PDE1C: variants seen among roughly 807,000 people sequenced by gnomAD.
PDE1C encodes the protein phosphodiesterase 1C, also known as dual specificity calcium/calmodulin-dependent 3',5'-cyclic nucleotide phosphodiesterase 1C.
A neutral mutation model predicts 93.1 loss-of-function variants in PDE1C; 62 were observed. That is an observed-to-expected ratio of 0.67 (90% confidence interval 0.54 to 0.82). PDE1C has a LOEUF of 0.82. Among genes scored for constraint, PDE1C ranks in the 40% least tolerant of loss-of-function variants. The pLI is 0.00. For missense variants in PDE1C, 742 were observed against 884.6 expected (o/e 0.84, Z 2.04); for synonymous variants, 325 against 310.1 (o/e 1.05, Z -0.50).
intron 13 of PDE1C, among the ~76,000 whole-genome samples, chr7:31,823,505 CT>C (rs573627514): frequency 1.0e-3 from 159 of 152,192 alleles, no homozygotes; most frequent in Middle Eastern, 0.01. Flanking sequence ...TTGGCCTCTT[CT>C]TTTTTCCCCA....
chr7:31,980,336 T>C (rs1812215774), intron 2 of PDE1C, among the ~76,000 whole-genome samples: 1 of 152,242 alleles, frequency 6.6e-6, no homozygotes, highest in African/African-American at 2.4e-5. Context: ...AGCTTTATCC[T>C]GTGCAGAATG....
chr7:31,962,975 C>T (rs948733014), intron 2 of PDE1C, among the ~76,000 whole-genome samples: 1 of 152,076 alleles, frequency 6.6e-6, no homozygotes, highest in Admixed American at 6.6e-5. Context: ...TTAAGTTTAG[C>T]CCCTTTAAAA....
At chr7:31,659,843 C>T in the PDE1C span, among the ~76,000 whole-genome samples, 1 of 152,174 alleles carries the variant, frequency 6.6e-6, no homozygotes, top group East Asian at 1.9e-4. Flanking sequence ...TTCATAACAT[C>T]TGATAATAAC....
intron 1 of PDE1C, among the ~76,000 whole-genome samples, chr7:32,061,437 A>G (rs1413534571): frequency 2.0e-5 from 3 of 152,214 alleles, no homozygotes; most frequent in Non-Finnish European, 4.4e-5. Flanking sequence ...ATATCCATGG[A>G]GGCACCTCTG....
At chr7:32,093,077 C>A (rs1051300142) in intron 3 of PDE1C, among the ~76,000 whole-genome samples, 4 of 152,180 alleles carry the variant, frequency 2.6e-5, no homozygotes, top group Admixed American at 1.3e-4. Flanking sequence ...CAAACCAGAA[C>A]AAGACGATCA....
chr7:31,760,401 C>T (rs1390645240), intron 17 of PDE1C, among the ~76,000 whole-genome samples: 1 of 152,162 alleles, frequency 6.6e-6, no homozygotes, highest in Non-Finnish European at 1.5e-5. Context: ...AGAGAACAGC[C>T]GCTAGTCCTC....
the PDE1C span, among the ~76,000 whole-genome samples, chr7:31,640,555 G>A: frequency 6.6e-6 from 1 of 152,184 alleles, no homozygotes; most frequent in South Asian, 2.1e-4. Context: ...AAAGCGCTAA[G>A]CTGGGTAACT....
intron 1 of PDE1C, among the ~76,000 whole-genome samples, chr7:32,391,149 A>C (rs1251994547): frequency 6.6e-6 from 1 of 152,186 alleles, no homozygotes; most frequent in Non-Finnish European, 1.5e-5. Context: ...CACACTTTAG[A>C]TTCAAAGAGA....
chr7:31,739,200 G>GACACACACACACAC, the PDE1C span, among the ~76,000 whole-genome samples: 1,383 of 143,140 alleles, frequency 9.7e-3, 22 homozygotes, highest in East Asian at 0.056. Context: ...GTAACTTTTA[G>GACACACACACACAC]ACACACACAC....
chr7:32,299,763 A>G (rs1206104905), upstream of PDE1C, among the ~76,000 whole-genome samples: 1 of 152,140 alleles, frequency 6.6e-6, no homozygotes, highest in Non-Finnish European at 1.5e-5. Context: ...CAAGGCTTAC[A>G]CTGGGAAAAT....
chr7:31,773,717 A>G (rs970764288), intron 17 of PDE1C, among the ~76,000 whole-genome samples: 2 of 152,174 alleles, frequency 1.3e-5, no homozygotes, highest in African/African-American at 4.8e-5. Flanking sequence ...ACTAAATGGG[A>G]GGCTGCTCAC....
intron 3 of PDE1C, among the ~76,000 whole-genome samples, chr7:32,114,537 C>A (rs1196723298): frequency 3.9e-5 from 6 of 152,262 alleles, no homozygotes; most frequent in Middle Eastern, 3.4e-3. Flanking sequence ...CTAGGCAATA[C>A]CATTCAGGAC....
intron 9 of PDE1C, among the ~76,000 whole-genome samples, chr7:31,847,103 G>C (rs1447935376): frequency 1.3e-5 from 2 of 152,104 alleles, no homozygotes; most frequent in Non-Finnish European, 2.9e-5. Context: ...AGGGTTTGAA[G>C]TACCTTAACC....
At chr7:32,316,488 A>T (rs1783175869) in intron 1 of PDE1C, among the ~76,000 whole-genome samples, 1 of 152,222 alleles carries the variant, frequency 6.6e-6, no homozygotes, top group African/African-American at 2.4e-5. Context: ...CTTTATTAGA[A>T]AATATTTGGC....
intron 1 of PDE1C, among the ~76,000 whole-genome samples, chr7:32,408,417 G>A (rs929618466): frequency 3.9e-5 from 6 of 152,214 alleles, no homozygotes; most frequent in Non-Finnish European, 8.8e-5. Flanking sequence ...TGGGAGGAAT[G>A]TGCACAGCCC....
chr7:32,120,580 G>C (rs1799241100), intron 3 of PDE1C, among the ~76,000 whole-genome samples: 1 of 152,052 alleles, frequency 6.6e-6, no homozygotes, highest in Non-Finnish European at 1.5e-5. Flanking sequence ...CCAGGCACAG[G>C]GGTGAACCAG....
chr7:32,144,500 C>G (rs906924892), intron 3 of PDE1C, among the ~76,000 whole-genome samples: 3 of 152,116 alleles, frequency 2.0e-5, no homozygotes, highest in African/African-American at 7.2e-5. Flanking sequence ...TGGCCAGTCA[C>G]GGGATTCAGG....
the PDE1C span, among the ~76,000 whole-genome samples, chr7:31,645,997 G>A: frequency 2.0e-5 from 3 of 152,060 alleles, no homozygotes; most frequent in Admixed American, 6.5e-5. Flanking sequence ...GCCGTATGGG[G>A]GAAAATATTA....
intron 2 of PDE1C, among the ~76,000 whole-genome samples, chr7:31,897,656 A>G (rs1317886858): frequency 6.6e-6 from 1 of 152,122 alleles, no homozygotes. Context: ...CTCTCTCTGG[A>G]CACTCTCTGA....
Sources: gnomAD v4.1 joint callset for allele counts (sites outside exome capture counted in the v4.1 genomes callset) on GRCh38, gnomAD v4.1.1 for gene constraint, MANE v1.5 for transcripts, NCBI Gene and HGNC (gene_info 2026-07-23, HGNC 2026-07-21) for gene names.